The following MS4A4E variants were observed in gnomAD, a reference collection of about 807,000 sequenced individuals.
The protein encoded by MS4A4E is putative membrane-spanning 4-domains subfamily A member 4E.
A neutral mutation model predicts 13.3 loss-of-function variants in MS4A4E; 23 were observed. The ratio of observed to expected loss-of-function variants is 1.73; its 90% CI spans 1.25 to 2.45. The LOEUF is 2.45. MS4A4E is among the 30% of genes most tolerant of loss of function. The pLI, the probability that MS4A4E is intolerant of heterozygous loss-of-function variation, is 0.00. For missense variants in MS4A4E, 144 were observed against 131.2 expected (o/e 1.10, Z -0.48); for synonymous variants, 36 against 45.6 (o/e 0.79, Z 0.85).
chr11:60,225,647 T>C (rs1332126393), intron 3 of MS4A4E, among the ~76,000 whole-genome samples: 1 of 152,122 alleles, frequency 6.6e-6, no homozygotes, highest in Non-Finnish European at 1.5e-5. Context: ...TTATGGGATG[T>C]AGTGAAAGCA....
At chr11:60,216,514 T>A (rs555234463) in intron 3 of MS4A4E, among the ~76,000 whole-genome samples, 24 of 152,004 alleles carry the variant, frequency 1.6e-4, no homozygotes, top group African/African-American at 5.5e-4. Context: ...TGATGTGAAA[T>A]AAAAAGTACA....
At chr11:60,209,265 A>G (rs1008222075) in intron 5 of MS4A4E, 9 of 152,244 alleles carry the variant, frequency 5.9e-5, no homozygotes, top group Admixed American at 2.0e-4. Flanking sequence ...CAAAGTAATG[A>G]CAGAATCCTT....
rs556719466 is a variant in MS4A4E, at chr11:60,232,321, A to ACACACACC, written c.-16-2251_-16-2250insGGTGTGTG. Among the ~76,000 whole-genome samples the ACACACACC allele has an allele frequency of 3.5e-3, 516 of 147,420 alleles. 2 individuals carry two copies. The highest frequency in any genetic ancestry group is 0.015 in the South Asian group (69 of 4,552). On this transcript the variant is annotated intron_variant, in intron 1 of 8. Coordinates refer to ENST00000651255, the MANE Select transcript of MS4A4E (RefSeq NM_001393391.1). Reference sequence around the variant, plus strand: ...CACACACACACACACACACACACACACCAAAAATGAATAAACAACTACATT... The same window carrying ACACACACC: ...CACACACACACACACACACACACACACACACACCCCAAAAATGAATAAACAACTACATT...
chr11:60,200,757 C>T lies in MS4A4E; in HGVS notation c.*786G>A, dbSNP rs971664911. ...TCCCCACCTTTCCCCCCTTTCTATTCCACAAAACCGCCATTGTCCTCATGG... is the reference window on the plus strand; with the variant it reads ...TCCCCACCTTTCCCCCCTTTCTATTTCACAAAACCGCCATTGTCCTCATGG... On this transcript the variant is annotated 3_prime_UTR_variant, in exon 9 of 9. Transcript: ENST00000651255. Among the ~76,000 whole-genome samples the T allele has an allele frequency of 6.6e-6, 1 of 152,244 alleles. No individual in the cohort carries two copies. Among genetic ancestry groups the T allele is most frequent in the Non-Finnish European group, 1.5e-5 (1 of 68,030 alleles).
chr11:60,210,782 C>G (rs764859), intron 5 of MS4A4E, among the ~76,000 whole-genome samples: 49,210 of 152,016 alleles, frequency 0.32, 9,054 homozygotes, highest in South Asian at 0.51. Context: ...CAAGAAGAGA[C>G]TCATTGCTTC....
At chr11:60,212,310 CTTTTT>C (rs35160855) in intron 5 of MS4A4E, among the ~76,000 whole-genome samples, 1 of 137,856 alleles carries the variant, frequency 7.3e-6, no homozygotes, top group Admixed American at 7.2e-5. Flanking sequence ...GCACTGACAT[CTTTTT>C]TTTTTTTTTT....
rs752766866 is a variant in MS4A4E, at chr11:60,227,889, C to T, written c.178+705G>A. On this transcript the variant is annotated intron_variant, in intron 3 of 8. Transcript: ENST00000651255. ...AAAAATACTACTTAAAAAACTGGAC[C>T]TCCATAGGCAAAAATTGAACTTAGA... Among the ~76,000 whole-genome samples, 5 of 152,044 alleles carry T rather than the reference C, an allele frequency of 3.3e-5. No individual in the cohort carries two copies. The East Asian group carries it at 9.7e-4, about 29-fold the overall frequency.
chr11:60,214,113 C>T (rs2084160476), intron 4 of MS4A4E, among the ~76,000 whole-genome samples: 1 of 152,100 alleles, frequency 6.6e-6, no homozygotes, highest in Non-Finnish European at 1.5e-5. Context: ...ACCATGTTGG[C>T]CAGGCTGGTT....
At chr11:60,230,286 A>G (rs927845531) in intron 1 of MS4A4E, among the ~76,000 whole-genome samples, 2 of 152,176 alleles carry the variant, frequency 1.3e-5, no homozygotes, top group Non-Finnish European at 2.9e-5. Flanking sequence ...GATATCAATA[A>G]TATGCTAGGA....
Position 60,212,995 on chromosome 11 carries a change from G to A in MS4A4E, c.360C>T (p.Tyr120=), listed in dbSNP as rs539571041. 2.6e-5 allele frequency: 9 copies of A among 345,238 alleles called. No homozygotes were observed. Among genetic ancestry groups the A allele is most frequent in the Non-Finnish European group, 4.7e-5 (9 of 191,906 alleles). 21.4% of individuals were successfully genotyped at this position (345,238 alleles called of 1,614,324 possible). A position where few individuals can be genotyped will look rare whatever the true frequency, so the allele number is the denominator to read the frequency against. The part of the protein sequence containing the change: ...CNHDQLSSNC[Y]MTMSILMGTD... ...TCACCATTAAAATGGACATAGTCATGTAACAATTACTTGACAACTGATCGT... is the reference window on the plus strand; with the variant it reads ...TCACCATTAAAATGGACATAGTCATATAACAATTACTTGACAACTGATCGT... The change falls in exon 5 of 9, where the codon TAC becomes TAT. Residue 120 remains tyrosine, a synonymous_variant. Transcript: ENST00000651255.
intron 3 of MS4A4E, among the ~76,000 whole-genome samples, chr11:60,227,812 T>C (rs1590722785): frequency 6.6e-6 from 1 of 152,044 alleles, no homozygotes; most frequent in African/African-American, 2.4e-5. Context: ...AGTCAAGTGA[T>C]CTTTGATAAA....
At chr11:60,206,206 A>G (rs924193570) in intron 6 of MS4A4E, among the ~76,000 whole-genome samples, 2 of 152,040 alleles carry the variant, frequency 1.3e-5, no homozygotes, top group Admixed American at 6.6e-5. Context: ...GAGGAATGTT[A>G]TACAGGGGAG....
At chr11:60,214,716 A>G in intron 3 of MS4A4E, 102 bp from the exon 4 acceptor site, 2 of 691,078 alleles carry the variant, frequency 2.9e-6, no homozygotes, top group African/African-American at 1.8e-5. Context: ...AATTAGATAG[A>G]TATGTATAAA....
chr11:60,223,452 A>T (rs1003423146), intron 3 of MS4A4E, among the ~76,000 whole-genome samples: 1 of 152,190 alleles, frequency 6.6e-6, no homozygotes, highest in Admixed American at 6.5e-5. Flanking sequence ...AAAATCATGT[A>T]TGACTTCAGG....
At chr11:60,229,748 A>G (rs1247212034) in intron 2 of MS4A4E, among the ~76,000 whole-genome samples, 164 bp downstream of exon 2, 1 of 152,196 alleles carries the variant, frequency 6.6e-6, no homozygotes, top group East Asian at 1.9e-4. Flanking sequence ...ATGTGATAGA[A>G]TATTATATAT....
Position 60,201,483 on chromosome 11 carries a change from C to A in MS4A4E, c.*60G>T, listed in dbSNP as rs1040468234. The A allele has an allele frequency of 2.5e-5, 6 of 242,286 alleles. No homozygotes were observed. The highest frequency in any genetic ancestry group is 5.5e-5 in the Admixed American group (1 of 18,140). 15.0% of individuals were successfully genotyped at this position (242,286 alleles called of 1,614,324 possible). On this transcript the variant is annotated 3_prime_UTR_variant, in exon 9 of 9. Coordinates refer to ENST00000651255, the MANE Select transcript of MS4A4E (RefSeq NM_001393391.1). Reference sequence around the variant, plus strand: ...CTCACCTCCCAGACGGGGTCGCGGCCGGGCAGAGGTGCTCCTCACATCCCA... The same window carrying A: ...CTCACCTCCCAGACGGGGTCGCGGCAGGGCAGAGGTGCTCCTCACATCCCA...
At chr11:60,231,916 T>C (rs1261369800) in intron 1 of MS4A4E, among the ~76,000 whole-genome samples, 1 of 151,992 alleles carries the variant, frequency 6.6e-6, no homozygotes. Context: ...ATAGAATATG[T>C]AAAAAGTATG....
At chr11:60,220,817 T>C (rs1310539396) in intron 3 of MS4A4E, among the ~76,000 whole-genome samples, 1 of 152,126 alleles carries the variant, frequency 6.6e-6, no homozygotes, top group Non-Finnish European at 1.5e-5. Flanking sequence ...CTAGTGGGCT[T>C]ATTTGGGTTT....
intron 8 of MS4A4E, among the ~76,000 whole-genome samples, chr11:60,202,810 C>T (rs938965557): frequency 6.6e-5 from 10 of 152,154 alleles, no homozygotes; most frequent in Admixed American, 1.3e-4. Context: ...ATCCCAATTG[C>T]GTATTACTAT....
Sources: gnomAD v4.1 joint callset for allele counts (sites outside exome capture counted in the v4.1 genomes callset) on GRCh38, gnomAD v4.1.1 for gene constraint, MANE v1.5 for transcripts, NCBI Gene and HGNC (gene_info 2026-07-23, HGNC 2026-07-21) for gene names.